The following EXOC6B variants were observed in gnomAD, a reference collection of about 807,000 sequenced individuals.
The protein encoded by EXOC6B is SEC15 homolog B.
EXOC6B carries 54 observed loss-of-function variants against 113.5 expected under a neutral mutation model. That is an observed-to-expected ratio of 0.48 (90% CI 0.38 to 0.60). The LOEUF (loss-of-function observed/expected upper bound fraction) is 0.60. Ranked by LOEUF, EXOC6B falls within the 20% of genes least tolerant of loss-of-function variation. The pLI is 0.00. For synonymous variants in EXOC6B, 357 were observed against 339.0 expected (o/e 1.05, Z -0.58); for missense variants, 797 against 977.5 (o/e 0.82, Z 2.46).
chr2:72,233,069 C>A lies in EXOC6B; in HGVS notation c.2197-48882G>T, dbSNP rs564411126. Among the ~76,000 whole-genome samples the A allele has an allele frequency of 4.0e-5, 6 of 149,398 alleles. No individual in the cohort carries two copies. In the South Asian group the frequency reaches 1.3e-3, roughly 32 times the overall value. ...CCTGGGTGACAGAGTGAAACTCCGT[C>A]CCAAAAAAAAAAGAAAAAAAGAAAA... On this transcript the variant is annotated intron_variant, in intron 20 of 21. Coordinates refer to ENST00000272427, the MANE Select transcript of EXOC6B (RefSeq NM_015189.3).
At chr2:72,465,573 G>A (rs1697996268) in intron 17 of EXOC6B, among the ~76,000 whole-genome samples, 1 of 152,098 alleles carries the variant, frequency 6.6e-6, no homozygotes, top group East Asian at 1.9e-4. Flanking sequence ...AGAATGCCCA[G>A]ATCATATAAG....
chr2:72,392,566 A>ATCTG lies in EXOC6B; in HGVS notation c.1981-12700_1981-12697dup, dbSNP rs778488055. ...ACATCAATATCCGGATCAGCTCATG[A>ATCTG]TCTGCTTCTACTGACTATTTAAACC... On this transcript the variant is annotated intron_variant, in intron 18 of 21. Coordinates refer to ENST00000272427, the MANE Select transcript of EXOC6B (RefSeq NM_015189.3). 6.6e-5 allele frequency among the ~76,000 whole-genome samples: 10 copies of ATCTG among 152,268 alleles called. No homozygotes were observed. In the East Asian group the frequency reaches 1.9e-3, roughly 29 times the overall value.
At chr2:72,286,601 T>C (rs902034115) in intron 20 of EXOC6B, among the ~76,000 whole-genome samples, 3 of 152,150 alleles carry the variant, frequency 2.0e-5, no homozygotes, top group African/African-American at 7.2e-5. Context: ...TTCAAATCCA[T>C]AGAATATACA....
chr2:72,747,419 A>G (rs1332058524), intron 1 of EXOC6B, among the ~76,000 whole-genome samples: 3 of 152,062 alleles, frequency 2.0e-5, no homozygotes, highest in Non-Finnish European at 4.4e-5. Flanking sequence ...AGGATGCAGT[A>G]ACCATTCTGA....
At chr2:72,326,002 A>G (rs1688105874) in intron 20 of EXOC6B, among the ~76,000 whole-genome samples, 1 of 152,028 alleles carries the variant, frequency 6.6e-6, no homozygotes, top group African/African-American at 2.4e-5. Context: ...AGTTGCCTCA[A>G]TCTGGACCTT....
chr2:72,546,437 A>G (rs1436366224), intron 8 of EXOC6B, among the ~76,000 whole-genome samples: 1 of 152,160 alleles, frequency 6.6e-6, no homozygotes, highest in Non-Finnish European at 1.5e-5. Flanking sequence ...GCGAGACTCC[A>G]TCTCCAAAAA....
chr2:72,242,344 A>G (rs1682370039), intron 20 of EXOC6B, among the ~76,000 whole-genome samples: 1 of 152,228 alleles, frequency 6.6e-6, no homozygotes, highest in Admixed American at 6.5e-5. Context: ...AAACGAAGTA[A>G]TATTATAAGG....
intron 6 of EXOC6B, among the ~76,000 whole-genome samples, chr2:72,645,975 A>C (rs1573547292): frequency 6.6e-6 from 1 of 152,130 alleles, no homozygotes; most frequent in South Asian, 2.1e-4. Context: ...GACACAAAAA[A>C]CCCTTCAAAA....
chr2:72,476,007 C>T (rs1049248732), intron 17 of EXOC6B, among the ~76,000 whole-genome samples: 2 of 152,222 alleles, frequency 1.3e-5, no homozygotes, highest in Non-Finnish European at 2.9e-5. Context: ...GGATAATGCG[C>T]TATCTGTTGG....
At chr2:72,516,671 C>G (rs191205930) in intron 8 of EXOC6B, among the ~76,000 whole-genome samples, 8 of 152,266 alleles carry the variant, frequency 5.3e-5, no homozygotes, top group Admixed American at 2.6e-4. Context: ...TGACTCTGCC[C>G]CTTACTAGCT....
chr2:72,329,477 T>C lies in EXOC6B; in HGVS notation c.2196+5470A>G, dbSNP rs537249619. On this transcript the variant is annotated intron_variant, in intron 20 of 21. Transcript: ENST00000272427. Reference sequence around the variant, plus strand: ...ATGGACTACATGTCTTTTTGGTATATTGCTGTATCAGAAAACAAAGATCAG... The same window carrying C: ...ATGGACTACATGTCTTTTTGGTATACTGCTGTATCAGAAAACAAAGATCAG... Among the ~76,000 whole-genome samples, 15 of 152,240 alleles carry C rather than the reference T, an allele frequency of 9.9e-5. No individual in the cohort carries two copies. The South Asian group carries it at 2.7e-3, about 27-fold the overall frequency.
Position 72,825,962 on chromosome 2 carries a change from T to C in EXOC6B, c.-52A>G. On this transcript the variant is annotated 5_prime_UTR_variant, in exon 1 of 22. Coordinates refer to ENST00000272427, the MANE Select transcript of EXOC6B (RefSeq NM_015189.3). The surrounding 1 kb of genome is among the most constrained non-coding windows in gnomAD (Gnocchi z 4.4). ...CCCTCCGTCGGCTCGGCTCACCTTT[T>C]CCCTGCCCCACAATGCCGCTCCCAC... 4 of 1,596,408 alleles carry C rather than the reference T, an allele frequency of 2.5e-6. No homozygotes were observed. The highest frequency in any genetic ancestry group is 3.4e-6 in the Non-Finnish European group (4 of 1,174,690).
chr2:72,573,184 G>T (rs1373198055), intron 7 of EXOC6B, among the ~76,000 whole-genome samples: 1 of 152,120 alleles, frequency 6.6e-6, no homozygotes, highest in Non-Finnish European at 1.5e-5. Flanking sequence ...TGGTTTCAAT[G>T]ATATATAAGA....
At position 72,465,191 on chromosome 2, in the gene EXOC6B, C is replaced by A; in HGVS notation, c.1949G>T (p.Arg650Leu). 6.2e-7 allele frequency: 1 copy of A among 1,611,954 alleles called. No homozygotes were observed. Among genetic ancestry groups the A allele is most frequent in the Non-Finnish European group, 8.5e-7 (1 of 1,179,110 alleles). ...GTGTGTGAATACAGCAAAGGTGCTA[C>A]GAAGAAAGGCAATGAGGTCTACCAG... ...DYLVDLIAFL[R>L]STFAVFTHLP... Residue 650 changes from arginine to leucine, a missense_variant, in exon 18 of 22, where the codon CGT (arginine) becomes CTT (leucine). Transcript: ENST00000272427.
chr2:72,677,776 A>G (rs1288938197), intron 6 of EXOC6B, among the ~76,000 whole-genome samples: 2 of 152,278 alleles, frequency 1.3e-5, no homozygotes, highest in Non-Finnish European at 2.9e-5. Context: ...AGTGCCTAAC[A>G]TGAAGACATG....
chr2:72,675,789 G>A (rs182733935), intron 6 of EXOC6B, among the ~76,000 whole-genome samples: 229 of 150,272 alleles, frequency 1.5e-3, no homozygotes, highest in African/African-American at 4.9e-3. Context: ...GTGAGACCAT[G>A]TCTCAAAAAT....
intron 20 of EXOC6B, among the ~76,000 whole-genome samples, chr2:72,289,767 A>G (rs1056660741): frequency 1.3e-5 from 2 of 152,142 alleles, no homozygotes; most frequent in Non-Finnish European, 2.9e-5. Context: ...ACGGTGGCTC[A>G]TGCCTTTAGT....
chr2:72,333,647 T>C (rs1384581335), intron 20 of EXOC6B, among the ~76,000 whole-genome samples: 1 of 152,138 alleles, frequency 6.6e-6, no homozygotes, highest in African/African-American at 2.4e-5. Context: ...GAAGAGATTG[T>C]TCCATTTGTG....
chr2:72,210,362 T>C (rs1272194843), intron 20 of EXOC6B, among the ~76,000 whole-genome samples: 1 of 152,142 alleles, frequency 6.6e-6, no homozygotes, highest in Non-Finnish European at 1.5e-5. Flanking sequence ...TTTCCATTAA[T>C]CCTAAACAAA....
Sources: gnomAD v4.1 joint callset for allele counts (sites outside exome capture counted in the v4.1 genomes callset) on GRCh38, gnomAD v4.1.1 for gene constraint, Gnocchi (gnomAD v3.1) non-coding constraint, MANE v1.5 for transcripts, NCBI Gene and HGNC (gene_info 2026-07-23, HGNC 2026-07-21) for gene names.